ZBBX: variants seen among roughly 807,000 people sequenced by gnomAD.
ZBBX encodes the protein zinc finger B-box domain containing.
Under a neutral mutation model 108.5 loss-of-function variants are expected in ZBBX, and 101 were observed. The observed-to-expected ratio is 0.93, with a 90% confidence interval of 0.79 to 1.10. The LOEUF (loss-of-function observed/expected upper bound fraction) is 1.10. ZBBX is among the 50% of genes least tolerant of loss of function. The pLI is 0.00. For missense variants in ZBBX, 1,009 were observed against 941.4 expected (o/e 1.07, Z -0.94); for synonymous variants, 356 against 323.4 (o/e 1.10, Z -1.08).
At chr3:167,383,571 G>C (rs976294108), upstream of ZBBX, among the ~76,000 whole-genome samples, 4 of 151,998 alleles carry the variant, frequency 2.6e-5, no homozygotes, top group Admixed American at 6.6e-5. Context: ...TGTAATTTCT[G>C]CCTATCATCC....
Position 167,360,670 on chromosome 3 carries a change from T to A in ZBBX, c.322+5A>T. ...CATTTATTAACATGGTGATAAATTA[T>A]TTACCTTGAATCTGTTCCTTCAGCA... is the stretch of plus-strand genomic sequence containing the variant. On this transcript the variant is annotated splice_donor_5th_base_variant and intron_variant, in intron 7 of 21. Transcript: ENST00000675490. 7.3e-7 allele frequency: 1 copy of A among 1,362,430 alleles called. No homozygotes were observed. Among genetic ancestry groups the A allele is most frequent in the Non-Finnish European group, 9.6e-7 (1 of 1,039,052 alleles). The allele number at this position is 1,362,430 out of a possible 1,614,324, so 84.4% of individuals were successfully genotyped here.
chr3:167,404,147 C>T (rs1052286812), intron 1 of ZBBX, among the ~76,000 whole-genome samples: 1 of 151,842 alleles, frequency 6.6e-6, no homozygotes, highest in African/African-American at 2.4e-5. Context: ...TATGAATAGC[C>T]AACAAAGTAA....
chr3:167,276,005 C>T lies in ZBBX; in HGVS notation c.2254+6233G>A, dbSNP rs555421081. On this transcript the variant is annotated intron_variant, in intron 20 of 21. Coordinates refer to ENST00000675490, the MANE Select transcript of ZBBX (RefSeq NM_001199201.2). ...CAAGCAGCCTAACTGGGAGGCACCC[C>T]CCAGCAGGGGCAGACTGACACCTCA... Among the ~76,000 whole-genome samples the T allele has an allele frequency of 6.6e-3, 1,000 of 152,256 alleles. 4 individuals carry two copies. Among genetic ancestry groups the T allele is most frequent in the Middle Eastern group, 0.031 (9 of 294 alleles).
At chr3:167,321,193 G>GA (rs1312506165) in intron 12 of ZBBX, among the ~76,000 whole-genome samples, 1 of 151,832 alleles carries the variant, frequency 6.6e-6, no homozygotes, top group Non-Finnish European at 1.5e-5. Context: ...TAATCCAAAA[G>GA]AAAAAAAATC....
At chr3:167,203,715 T>C in the ZBBX span, among the ~76,000 whole-genome samples, 1 of 152,122 alleles carries the variant, frequency 6.6e-6, no homozygotes, top group Non-Finnish European at 1.5e-5. Flanking sequence ...GCAATTATCT[T>C]CCTGTTGTAT....
At chr3:167,302,423 A>G (rs1732861222) in intron 17 of ZBBX, among the ~76,000 whole-genome samples, 1 of 151,928 alleles carries the variant, frequency 6.6e-6, no homozygotes. Context: ...GGTCCCCTTT[A>G]CCCTGATAAT....
intron 9 of ZBBX, among the ~76,000 whole-genome samples, chr3:167,344,012 C>A (rs567683646): frequency 1.3e-5 from 2 of 151,848 alleles, no homozygotes; most frequent in African/African-American, 2.4e-5. Flanking sequence ...TATGCTATAT[C>A]AAACAATGAA....
At chr3:167,224,057 C>T in the ZBBX span, among the ~76,000 whole-genome samples, 2 of 151,842 alleles carry the variant, frequency 1.3e-5, no homozygotes, top group Admixed American at 6.6e-5. Flanking sequence ...GGGGACATAG[C>T]GGGTGGGAAA....
chr3:167,363,220 T>A (rs1744803882), intron 6 of ZBBX, among the ~76,000 whole-genome samples: 1 of 152,032 alleles, frequency 6.6e-6, no homozygotes, highest in African/African-American at 2.4e-5. Context: ...TCCATGCTGA[T>A]CAGCCTCAAT....
chr3:167,298,857 C>A (rs1216803371), intron 17 of ZBBX, among the ~76,000 whole-genome samples: 2 of 151,622 alleles, frequency 1.3e-5, no homozygotes, highest in Admixed American at 6.6e-5. Context: ...GGTGAAATAC[C>A]AATGGGAACT....
chr3:167,294,796 T>C (rs1003796687), intron 18 of ZBBX, among the ~76,000 whole-genome samples: 4 of 152,106 alleles, frequency 2.6e-5, no homozygotes, highest in Admixed American at 2.6e-4. Context: ...AATCCATCCA[T>C]TGGACAAAGG....
chr3:167,268,907 C>A (rs543245404), intron 20 of ZBBX, among the ~76,000 whole-genome samples: 87 of 152,240 alleles, frequency 5.7e-4, no homozygotes, highest in Middle Eastern at 3.4e-3. Flanking sequence ...TTAAAAGAAC[C>A]AAGCCTCCAT....
intron 12 of ZBBX, among the ~76,000 whole-genome samples, chr3:167,318,299 T>C (rs1735810939): frequency 6.6e-6 from 1 of 152,026 alleles, no homozygotes. Context: ...AGCCAGAGCC[T>C]TCTCAGTGAT....
intron 2 of ZBBX, among the ~76,000 whole-genome samples, chr3:167,378,166 T>A (rs1747256504): frequency 6.6e-6 from 1 of 152,230 alleles, no homozygotes; most frequent in African/African-American, 2.4e-5. Flanking sequence ...TATTTCTTCA[T>A]AGCAGTGTGA....
intron 9 of ZBBX, 57 bp from the exon 10 acceptor site, chr3:167,334,042 A>G: frequency 8.7e-7 from 1 of 1,154,270 alleles, no homozygotes; most frequent in Non-Finnish European, 1.2e-6. Context: ...TAAATAATTT[A>G]TATACATTAA....
intron 8 of ZBBX, 61 bp downstream of exon 8, chr3:167,359,809 T>G (rs542964808): frequency 7.7e-5 from 63 of 819,480 alleles, no homozygotes; most frequent in South Asian, 3.5e-4. Context: ...GAAAGTTCTA[T>G]TCTAACTGCT....
chr3:167,195,400 T>C, the ZBBX span, among the ~76,000 whole-genome samples: 2 of 152,220 alleles, frequency 1.3e-5, no homozygotes, highest in African/African-American at 4.8e-5. Context: ...AATAAAATAA[T>C]ATAAAGTATC....
At chr3:167,308,035 A>C (rs750668740) in intron 16 of ZBBX, among the ~76,000 whole-genome samples, 1 of 152,206 alleles carries the variant, frequency 6.6e-6, no homozygotes, top group Non-Finnish European at 1.5e-5. Context: ...CAAACTACAG[A>C]ATGGGGGAAA....
At chr3:167,315,718 T>C in intron 15 of ZBBX, 32 bp downstream of exon 15, 1 of 1,502,954 alleles carries the variant, frequency 6.7e-7, no homozygotes, top group Non-Finnish European at 9.2e-7. Context: ...GGGGGCTCAA[T>C]ATGCACACAA....
Sources: gnomAD v4.1 joint callset for allele counts (sites outside exome capture counted in the v4.1 genomes callset) on GRCh38, gnomAD v4.1.1 for gene constraint, MANE v1.5 for transcripts, NCBI Gene and HGNC (gene_info 2026-07-23, HGNC 2026-07-21) for gene names.